The following INTS2 variants were observed in gnomAD, a reference collection of about 807,000 sequenced individuals.
The protein encoded by INTS2 is KIAA1287.
A neutral mutation model predicts 139.6 loss-of-function variants in INTS2; 57 were observed. The observed-to-expected ratio is 0.41, with a 90% confidence interval of 0.33 to 0.51. The LOEUF (loss-of-function observed/expected upper bound fraction) is 0.51, where lower values mean the gene tolerates loss of function less well. INTS2 is among the 20% of genes least tolerant of loss of function. The pLI is 0.28. For missense variants in INTS2, 1,196 were observed against 1,436.7 expected (o/e 0.83, Z 2.71); for synonymous variants, 473 against 493.4 (o/e 0.96, Z 0.55).
chr17:61,877,803 T>C (rs2079138577), intron 18 of INTS2, 84 bp downstream of exon 18: 2 of 1,150,488 alleles, frequency 1.7e-6, no homozygotes, highest in Admixed American at 2.1e-5. Flanking sequence ...TGGTGAAAAA[T>C]TTTTTAAACA....
rs529664994 is a variant in INTS2 at position 61,926,402 on chromosome 17, G to A, written c.243C>T (p.Ser81=). 101 of 1,612,076 alleles carry A rather than the reference G, an allele frequency of 6.3e-5. No individual in the cohort carries two copies. The highest frequency in any genetic ancestry group is 1.3e-4 in the Admixed American group (8 of 59,934). Residue 81 remains serine, a synonymous_variant, in exon 2 of 25, where the codon TCC becomes TCT. Transcript: ENST00000251334. ...EAVNSIVALL[S]VDFHALEQDA... ...CTTGTTCTAAAGCATGAAAGTCCACGGACAACAATGCAACAATGGAGTTGA... is the reference window on the plus strand; with the variant it reads ...CTTGTTCTAAAGCATGAAAGTCCACAGACAACAATGCAACAATGGAGTTGA...
chr17:61,889,371 G>A (rs2079266639), intron 15 of INTS2, among the ~76,000 whole-genome samples: 1 of 152,162 alleles, frequency 6.6e-6, no homozygotes, highest in Admixed American at 6.5e-5. Context: ...ACAGGCGTAA[G>A]CCACCTCGAC....
chr17:61,869,490 G>T lies in INTS2; in HGVS notation c.3031-110C>A. On this transcript the variant is annotated intron_variant, in intron 21 of 24. Coordinates refer to ENST00000251334, the MANE Select transcript of INTS2 (RefSeq NM_001351695.2). The surrounding 1 kb of genome is among the most constrained non-coding windows in gnomAD (Gnocchi z 5.4). ...CCTTTCTGTAAAAATTGCTCAGAAG[G>T]CTATAGTGCCCCATATGTAACCTGG... 1 of 894,086 alleles carries T rather than the reference G, an allele frequency of 1.1e-6. No individual in the cohort carries two copies. The highest frequency in any genetic ancestry group is 1.7e-6 in the Non-Finnish European group (1 of 581,596). The allele number at this position is 894,086 out of a possible 1,614,324, so 55.4% of individuals were successfully genotyped here. A position where few individuals can be genotyped will look rare whatever the true frequency, so the allele number is the denominator to read the frequency against.
chr17:61,900,783 C>A (rs1006253230), intron 9 of INTS2, among the ~76,000 whole-genome samples: 1 of 151,464 alleles, frequency 6.6e-6, no homozygotes, highest in African/African-American at 2.4e-5. Flanking sequence ...CATGGAGAAA[C>A]CCCATCTCCA....
At chr17:61,887,718 C>A (rs1462411015) in intron 15 of INTS2, among the ~76,000 whole-genome samples, 1 of 151,968 alleles carries the variant, frequency 6.6e-6, no homozygotes, top group African/African-American at 2.4e-5. Context: ...AAATTCCAAA[C>A]AAGAACTGTA....
rs1388298510 is a variant in INTS2, at chr17:61,922,521, TATATATATATATATATATATATATAC to T, written c.433-720_433-695del. Among the ~76,000 whole-genome samples, 5 of 55,138 alleles carry T rather than the reference TATATATATATATATATATATATATAC, an allele frequency of 9.1e-5. No homozygotes were observed. In the East Asian group the frequency reaches 2.9e-3, roughly 32 times the overall value. The allele number at this position is 55,138 out of a possible 152,430, so 36.2% of individuals were successfully genotyped here. ...AAGAAAACAAACAAACATATATATATATATATATATATATATATATATATACGTGTTCAATTCTGAATAAACTGTTG... is the reference window on the plus strand; with the variant it reads ...AAGAAAACAAACAAACATATATATATGTGTTCAATTCTGAATAAACTGTTG... On this transcript the variant is annotated intron_variant, in intron 3 of 24. Transcript: ENST00000251334.
chr17:61,909,825 G>GTGTA lies in INTS2; in HGVS notation c.954+1694_954+1695insTACA, dbSNP rs2143097646. The stretch of plus-strand genomic sequence containing the variant: ...TACGTGTGTGTGTACATGTGTGTAT[G>GTGTA]TGTGTGTGTGTGTGTGTGTGTGTGT... On this transcript the variant is annotated intron_variant, in intron 7 of 24. Transcript: ENST00000251334. This position sits in a 1 kb window ranked among gnomAD's most constrained non-coding sequence, Gnocchi z 4.9. 1.9e-4 allele frequency among the ~76,000 whole-genome samples: 1 copy of GTGTA among 5,324 alleles called. No individual in the cohort carries two copies. Among genetic ancestry groups the GTGTA allele is most frequent in the African/African-American group, 8.7e-4 (1 of 1,150 alleles). The allele number at this position is 5,324 out of a possible 152,430, so 3.5% of individuals were successfully genotyped here.
intron 3 of INTS2, 31 bp from the exon 4 acceptor site, chr17:61,921,858 CTA>C: frequency 9.1e-7 from 1 of 1,098,030 alleles, no homozygotes; most frequent in Non-Finnish European, 1.3e-6. Flanking sequence ...GATATAAACT[CTA>C]TTAATTTCAG....
chr17:61,887,009 TA>T (rs1183001827), intron 15 of INTS2, among the ~76,000 whole-genome samples: 2 of 152,176 alleles, frequency 1.3e-5, no homozygotes, highest in African/African-American at 2.4e-5. Context: ...AGAAGGCAGT[TA>T]AAACAATAGT....
chr17:61,889,149 G>A (rs1339601110), intron 15 of INTS2, among the ~76,000 whole-genome samples: 3 of 150,248 alleles, frequency 2.0e-5, no homozygotes, highest in South Asian at 2.1e-4. Flanking sequence ...GTGCAGTGGC[G>A]CAATCTCAGC....
At chr17:61,908,358 T>C (rs761459769) in intron 7 of INTS2, among the ~76,000 whole-genome samples, 16 of 152,078 alleles carry the variant, frequency 1.1e-4, no homozygotes, top group Non-Finnish European at 1.8e-4. Flanking sequence ...GAGGTTACAA[T>C]GAGTCAAGAT....
At chr17:61,901,723 C>G (rs1041552275) in intron 9 of INTS2, among the ~76,000 whole-genome samples, 3 of 151,134 alleles carry the variant, frequency 2.0e-5, no homozygotes, top group Admixed American at 1.3e-4. Flanking sequence ...CCTCAGCCTA[C>G]AGGACTGCAG....
At chr17:61,924,805 G>A (rs1374349764) in intron 3 of INTS2, among the ~76,000 whole-genome samples, 156 bp downstream of exon 3, 1 of 152,032 alleles carries the variant, frequency 6.6e-6, no homozygotes, top group Non-Finnish European at 1.5e-5. Flanking sequence ...TTCCAGCTTG[G>A]GCAATAAGAA....
chr17:61,869,092 T>C lies in INTS2; in HGVS notation c.3186A>G (p.Leu1062=). Residue 1062 remains leucine (L), a synonymous_variant, in exon 23 of 25, where the codon TTA becomes TTG. Transcript: ENST00000251334. The surrounding 1 kb of genome is among the most constrained non-coding windows in gnomAD (Gnocchi z 5.4). ...LLSHLCIQYA[L]PKSLSVARLA... is the part of the protein sequence containing the mutation. Reference sequence around the variant, plus strand: ...AACGAGCCACACTAAGTGACTTTGGTAATGCATATTGTATACACAAGTGAG... The same window carrying C: ...AACGAGCCACACTAAGTGACTTTGGCAATGCATATTGTATACACAAGTGAG... 3 of 1,613,016 alleles carry C rather than the reference T, an allele frequency of 1.9e-6. No individual in the cohort carries two copies. The highest frequency in any genetic ancestry group is 2.5e-6 in the Non-Finnish European group (3 of 1,179,126).
chr17:61,874,035 C>T (rs2079108843), intron 19 of INTS2: 1 of 152,182 alleles, frequency 6.6e-6, no homozygotes, highest in African/African-American at 2.4e-5. Context: ...CATCTTTATA[C>T]TATTAGATGA....
chr17:61,906,963 CA>C lies in INTS2; in HGVS notation c.1181+444del, dbSNP rs34773307. On this transcript the variant is annotated intron_variant, in intron 8 of 24. Transcript: ENST00000251334. ...TGGGCGACAGACGGAGATTCCATCTCAAAAAAAAAAAAAAAAAAAAACATTG... is the reference window on the plus strand; with the variant it reads ...TGGGCGACAGACGGAGATTCCATCTCAAAAAAAAAAAAAAAAAAAACATTG... Among the ~76,000 whole-genome samples, 563 of 80,152 alleles carry C rather than the reference CA, an allele frequency of 7.0e-3. 5 individuals carry two copies. Among genetic ancestry groups the C allele is most frequent in the African/African-American group, 0.024 (522 of 21,496 alleles). 52.6% of individuals were successfully genotyped at this position (80,152 alleles called of 152,430 possible). A position where few individuals can be genotyped will look rare whatever the true frequency, so the allele number is the denominator to read the frequency against.
At position 61,865,684 on chromosome 17, in the gene INTS2, C is replaced by G. The variant is rs1567883129; in HGVS notation, c.*1873G>C. The G allele has an allele frequency of 6.6e-6, 1 of 151,608 alleles. No homozygotes were observed. The highest frequency in any genetic ancestry group is 6.6e-5 in the Admixed American group (1 of 15,206). 9.4% of individuals were successfully genotyped at this position (151,608 alleles called of 1,614,324 possible). ...AACTCCTAGGGCATATCTATTCACA[C>G]AAAATATCGCAAGGCCTCAGTTTAA... On this transcript the variant is annotated 3_prime_UTR_variant, in exon 25 of 25. Transcript: ENST00000251334. The surrounding 1 kb of genome is among the most constrained non-coding windows in gnomAD (Gnocchi z 4.8).
In INTS2 at chr17:61,919,495, G is replaced by C; in HGVS notation, c.554C>G (p.Pro185Arg). 1.3e-6 allele frequency: 2 copies of C among 1,587,050 alleles called. No homozygotes were observed. Among genetic ancestry groups the C allele is most frequent in the Non-Finnish European group, 1.7e-6 (2 of 1,163,466 alleles). Reference protein sequence around the residue: ...ILQAELPSLLPIVDVAEALLH... With the variant: ...ILQAELPSLLRIVDVAEALLH... ...CAAAGCTTCAGCTACATCAACTATA[G>C]GGAGCAAGGAAGGGAGCTCTACAAG... Residue 185 changes from proline to arginine, a missense_variant, in exon 5 of 25, where the codon CCT becomes CGT. Transcript: ENST00000251334.
intron 16 of INTS2, among the ~76,000 whole-genome samples, chr17:61,883,066 C>T (rs762268088): frequency 6.6e-6 from 1 of 152,136 alleles, no homozygotes; most frequent in Non-Finnish European, 1.5e-5. Flanking sequence ...CTTCTAAATG[C>T]ATACAGGAGT....
Sources: gnomAD v4.1 joint callset for allele counts (sites outside exome capture counted in the v4.1 genomes callset) on GRCh38, gnomAD v4.1.1 for gene constraint, Gnocchi (gnomAD v3.1) non-coding constraint, MANE v1.5 for transcripts, NCBI Gene and HGNC (gene_info 2026-07-23, HGNC 2026-07-21) for gene names.